The following CLINT1 variants were observed in gnomAD, a reference collection of about 807,000 sequenced individuals.
CLINT1 encodes the protein clathrin interactor 1.
A neutral mutation model predicts 70.4 loss-of-function variants in CLINT1; 15 were observed. That is an observed-to-expected ratio of 0.21 (90% confidence interval 0.14 to 0.33). CLINT1 has a LOEUF of 0.33. Among genes scored for constraint, CLINT1 ranks in the 10% least tolerant of loss-of-function variants. The pLI, the probability that CLINT1 is intolerant of heterozygous loss-of-function variation, is 1.00. For missense variants in CLINT1, 615 were observed against 778.1 expected (o/e 0.79, Z 2.49); for synonymous variants, 227 against 254.7 (o/e 0.89, Z 1.04).
At chr5:157,834,580 T>C (rs1763356163) in intron 1 of CLINT1, among the ~76,000 whole-genome samples, 1 of 152,200 alleles carries the variant, frequency 6.6e-6, no homozygotes, top group Admixed American at 6.5e-5. Flanking sequence ...TTCGTTTCCT[T>C]TATGGGATGA....
At chr5:157,788,759 G>A (rs1304825238) in intron 11 of CLINT1, among the ~76,000 whole-genome samples, 3 of 152,128 alleles carry the variant, frequency 2.0e-5, no homozygotes, top group African/African-American at 7.2e-5. Context: ...CTTGAGGTCA[G>A]GAGTTCAAGA....
chr5:157,857,966 C>T (rs1753810719), intron 1 of CLINT1, among the ~76,000 whole-genome samples: 1 of 152,118 alleles, frequency 6.6e-6, no homozygotes, highest in African/African-American at 2.4e-5. Context: ...TCATTAAAGC[C>T]CCAAAGGAAG....
chr5:157,788,011 CAGA>C lies in CLINT1; in HGVS notation c.1532-22_1532-20del, dbSNP rs1178026201. ...TGCATATCTACCAGACGAAAACAGA[CAGA>C]AGAACTTTACCACAATAAATTTTTA... On this transcript the variant is annotated intron_variant, in intron 11 of 11. Coordinates refer to ENST00000411809, the MANE Select transcript of CLINT1 (RefSeq NM_014666.4). 3.2e-6 allele frequency: 5 copies of C among 1,569,230 alleles called. No individual in the cohort carries two copies. Among genetic ancestry groups the C allele is most frequent in the East Asian group, 4.6e-5 (2 of 43,446 alleles).
At chr5:157,828,229 C>G (rs185216866) in intron 1 of CLINT1, among the ~76,000 whole-genome samples, 17 of 152,078 alleles carry the variant, frequency 1.1e-4, no homozygotes, top group Non-Finnish European at 2.1e-4. Flanking sequence ...AATGCTAAGG[C>G]GTTTTTATTT....
At chr5:157,831,038 T>C (rs565969694) in intron 1 of CLINT1, among the ~76,000 whole-genome samples, 1 of 147,686 alleles carries the variant, frequency 6.8e-6, no homozygotes, top group South Asian at 2.1e-4. Flanking sequence ...AACAAGACCC[T>C]GTCTCAAAAA....
chr5:157,840,213 A>AAAAAAAAC (rs1554102281), intron 1 of CLINT1, among the ~76,000 whole-genome samples: 5 of 141,544 alleles, frequency 3.5e-5, no homozygotes, highest in African/African-American at 1.3e-4. Context: ...AAAAAAAAAA[A>AAAAAAAAC]GGAAAAAAGA....
chr5:157,816,528 A>C (rs1405486427), intron 3 of CLINT1, among the ~76,000 whole-genome samples: 1 of 152,184 alleles, frequency 6.6e-6, no homozygotes, highest in African/African-American at 2.4e-5. Flanking sequence ...AACATTTAGA[A>C]GTATTATTAA....
chr5:157,819,883 G>A (rs931103518), intron 1 of CLINT1, among the ~76,000 whole-genome samples: 2 of 152,144 alleles, frequency 1.3e-5, no homozygotes, highest in Non-Finnish European at 1.5e-5. Flanking sequence ...TTGTTCAAGC[G>A]ACAAAGGCCC....
At position 157,787,081 on chromosome 5, in the gene CLINT1, A is replaced by T. The variant is rs1001177080; in HGVS notation, c.*565T>A. Reference sequence around the variant, plus strand: ...ATAGCAGTGTTGCTGGAACATTAGCAAAAGTATATACATTCCAGTTACCTT... The same window carrying T: ...ATAGCAGTGTTGCTGGAACATTAGCTAAAGTATATACATTCCAGTTACCTT... On this transcript the variant is annotated 3_prime_UTR_variant, in exon 12 of 12. Transcript: ENST00000411809. 1 of 153,212 alleles carries T rather than the reference A, an allele frequency of 6.5e-6. No individual in the cohort carries two copies. Among genetic ancestry groups the T allele is most frequent in the Non-Finnish European group, 1.5e-5 (1 of 68,484 alleles). 9.5% of individuals were successfully genotyped at this position (153,212 alleles called of 1,614,324 possible).
intron 1 of CLINT1, among the ~76,000 whole-genome samples, chr5:157,835,563 C>T (rs1252524346): frequency 1.3e-5 from 2 of 151,626 alleles, no homozygotes; most frequent in Admixed American, 6.6e-5. Context: ...TGCCTAACAA[C>T]GAATGTCTAA....
intron 3 of CLINT1, among the ~76,000 whole-genome samples, chr5:157,815,030 CAA>C (rs572736166): frequency 7.7e-4 from 40 of 51,642 alleles, no homozygotes; most frequent in African/African-American, 1.7e-3. Flanking sequence ...AACTCTGTCT[CAA>C]AAAAAAAAAA....
At chr5:157,805,564 G>A (rs879742778) in intron 7 of CLINT1, among the ~76,000 whole-genome samples, 4 of 152,082 alleles carry the variant, frequency 2.6e-5, no homozygotes, top group African/African-American at 4.8e-5. Flanking sequence ...GAATCTACTT[G>A]TGGTTGGTAA....
chr5:157,855,503 A>T (rs544214216), intron 1 of CLINT1, among the ~76,000 whole-genome samples: 5 of 152,294 alleles, frequency 3.3e-5, no homozygotes, highest in African/African-American at 9.6e-5. Flanking sequence ...GACGAGTGGG[A>T]AGATACTGGC....
intron 1 of CLINT1, among the ~76,000 whole-genome samples, chr5:157,858,306 A>G (rs1406489241): frequency 6.6e-6 from 1 of 152,238 alleles, no homozygotes; most frequent in African/African-American, 2.4e-5. Context: ...AAGAAGTCAT[A>G]TAGTGATCTA....
intron 1 of CLINT1, among the ~76,000 whole-genome samples, chr5:157,847,724 T>C (rs1005829078): frequency 6.6e-6 from 1 of 152,202 alleles, no homozygotes; most frequent in Non-Finnish European, 1.5e-5. Context: ...GCTTGAATGA[T>C]GAGTTGCTTC....
chr5:157,793,021 CATT>C (rs1761965386), intron 9 of CLINT1, among the ~76,000 whole-genome samples: 2 of 152,168 alleles, frequency 1.3e-5, no homozygotes, highest in Non-Finnish European at 2.9e-5. Context: ...TACCATGTCT[CATT>C]ATGCTAAATA....
intron 7 of CLINT1, among the ~76,000 whole-genome samples, chr5:157,805,605 T>G (rs1169925144): frequency 6.6e-6 from 1 of 152,224 alleles, no homozygotes; most frequent in Non-Finnish European, 1.5e-5. Flanking sequence ...ACAGAGGCAC[T>G]ACATTCTGAT....
At chr5:157,793,681 T>C (rs1761983642) in intron 9 of CLINT1, among the ~76,000 whole-genome samples, 1 of 152,186 alleles carries the variant, frequency 6.6e-6, no homozygotes, top group Non-Finnish European at 1.5e-5. Flanking sequence ...TAAAGTAAAG[T>C]ATTAACCCTT....
At chr5:157,834,350 G>T (rs928785497) in intron 1 of CLINT1, among the ~76,000 whole-genome samples, 1 of 149,532 alleles carries the variant, frequency 6.7e-6, no homozygotes, top group African/African-American at 2.5e-5. Context: ...TCCAGCCTGG[G>T]CAACAGAGCG....
Sources: allele counts gnomAD v4.1 joint callset (sites outside exome capture counted in the v4.1 genomes callset), GRCh38; gene constraint gnomAD v4.1.1; transcripts MANE v1.5; gene names NCBI Gene and HGNC (gene_info 2026-07-23, HGNC 2026-07-21).